CHD1: variants seen among roughly 807,000 people sequenced by gnomAD.
CHD1 encodes the protein ATP-dependent chromatin remodeler CHD1.
A neutral mutation model predicts 224.2 loss-of-function variants in CHD1; 36 were observed. The observed-to-expected ratio is 0.16, with a 90% CI of 0.12 to 0.21. The LOEUF is 0.21. CHD1 is among the 10% of genes least tolerant of loss of function. The pLI, the probability that CHD1 is intolerant of heterozygous loss-of-function variation, is 1.00. For missense variants in CHD1, 1,378 were observed against 1,994.8 expected (o/e 0.69, Z 5.89); for synonymous variants, 668 against 658.3 (o/e 1.01, Z -0.23).
intron 31 of CHD1, among the ~76,000 whole-genome samples, chr5:98,867,989 TAG>T (rs1749027178): frequency 6.6e-6 from 1 of 151,600 alleles, no homozygotes; most frequent in Admixed American, 6.6e-5. Flanking sequence ...TTTTTCTTAG[TAG>T]AGTGTCACCA....
chr5:98,876,330 G>C (rs1749752456), intron 24 of CHD1, 68 bp downstream of exon 24: 1 of 1,465,402 alleles, frequency 6.8e-7, no homozygotes, highest in African/African-American at 1.4e-5. Context: ...GAAAATTACG[G>C]CGTTTTTACA....
In CHD1 at chr5:98,899,521, T is replaced by C. The variant is rs566916062; in HGVS notation, c.1044A>G (p.Lys348=). The C allele has an allele frequency of 1.9e-6, 3 of 1,613,408 alleles. No homozygotes were observed. The highest frequency in any genetic ancestry group is 2.2e-5 in the South Asian group (2 of 91,006). ...GATCTTTTTTCTTATAATTATCCAA[T>C]TTTTTCATTCCTCTAACATTCTGCT... ...LKQQNVRGMK[K]LDNYKKKDQE... The change falls in exon 8 of 36, where the codon AAA becomes AAG. Residue 348 remains lysine (K), a synonymous_variant. Coordinates refer to ENST00000614616, the MANE Select transcript of CHD1 (RefSeq NM_001270.4).
intron 12 of CHD1, 148 bp downstream of exon 12, chr5:98,896,078 T>C (rs1751327140): frequency 3.1e-6 from 2 of 636,160 alleles, no homozygotes; most frequent in South Asian, 2.0e-5. Flanking sequence ...GGTGGCGTGC[T>C]CCTGTGGTCC....
intron 23 of CHD1, among the ~76,000 whole-genome samples, chr5:98,876,761 T>C (rs139930250): frequency 8.5e-5 from 13 of 152,286 alleles, no homozygotes; most frequent in South Asian, 2.1e-4. Flanking sequence ...AGACATTATA[T>C]CAAAAGCCTC....
chr5:98,917,299 C>CAAAAAAAAACAAAA (rs1752795895), intron 2 of CHD1, among the ~76,000 whole-genome samples: 1 of 119,852 alleles, frequency 8.3e-6, no homozygotes, highest in South Asian at 2.9e-4. Context: ...AACAAAGAAA[C>CAAAAAAAAACAAAA]AAAAAAAAAA....
At chr5:98,859,173 C>A (rs1748278178) in intron 33 of CHD1, among the ~76,000 whole-genome samples, 158 bp from the exon 34 acceptor site, 1 of 152,030 alleles carries the variant, frequency 6.6e-6, no homozygotes, top group African/African-American at 2.4e-5. Context: ...TATAGATCTC[C>A]ATTTTTAAAG....
At chr5:98,870,318 C>G (rs325208) in intron 29 of CHD1, among the ~76,000 whole-genome samples, 20,825 of 151,944 alleles carry the variant, frequency 0.14, 1,802 homozygotes, top group Middle Eastern at 0.27. Context: ...TTTCAGTAAG[C>G]TTGGCAACCT....
At position 98,905,797 on chromosome 5, in the gene CHD1, A is replaced by C. The variant is rs162339; in HGVS notation, c.54-699T>G. Reference sequence around the variant, plus strand: ...TAAAAAAGCAATTGACATTTCATAAACTATCCTTTTTTCCATTTCTAATTT... The same window carrying C: ...TAAAAAAGCAATTGACATTTCATAACCTATCCTTTTTTCCATTTCTAATTT... On this transcript the variant is annotated intron_variant, in intron 2 of 35. Transcript: ENST00000614616. Among the ~76,000 whole-genome samples, 421 of 152,292 alleles carry C rather than the reference A, an allele frequency of 2.8e-3. 2 individuals are homozygous for C. The highest frequency in any genetic ancestry group is 9.5e-3 in the African/African-American group (393 of 41,576).
intron 31 of CHD1, among the ~76,000 whole-genome samples, chr5:98,864,016 T>C (rs1407898674): frequency 6.6e-6 from 1 of 152,202 alleles, no homozygotes; most frequent in Admixed American, 6.5e-5. Context: ...GCTAGATATA[T>C]AAACTGTATT....
At chr5:98,926,820 T>C (rs1753489567) in intron 1 of CHD1, among the ~76,000 whole-genome samples, 1 of 150,794 alleles carries the variant, frequency 6.6e-6, no homozygotes, top group Admixed American at 6.7e-5. Flanking sequence ...ACAATGTTTT[T>C]ATAGACTCCT....
rs1194956627 is a variant in CHD1 at position 98,879,731 on chromosome 5, G to C, written c.3061-3C>G. On this transcript the variant is annotated splice_region_variant and splice_polypyrimidine_tract_variant and intron_variant, in intron 22 of 35. Coordinates refer to ENST00000614616, the MANE Select transcript of CHD1 (RefSeq NM_001270.4). Reference sequence around the variant, plus strand: ...TCCATATTTGAGAAGTTGGCAACCTGATAAATTTCAGAATTTTAAGAGTAA... The same window carrying C: ...TCCATATTTGAGAAGTTGGCAACCTCATAAATTTCAGAATTTTAAGAGTAA... 2 of 1,570,234 alleles carry C rather than the reference G, an allele frequency of 1.3e-6. No homozygotes were observed. The highest frequency in any genetic ancestry group is 2.0e-5 in the Admixed American group (1 of 50,224).
At chr5:98,885,717 T>C (rs1368136681) in intron 17 of CHD1, 68 bp from the exon 18 acceptor site, 3 of 939,588 alleles carry the variant, frequency 3.2e-6, no homozygotes, top group African/African-American at 3.4e-5. Flanking sequence ...TAAAATCAAT[T>C]ATAAAATTAA....
chr5:98,889,063 T>C lies in CHD1; in HGVS notation c.2343+13A>G. The C allele has an allele frequency of 2.6e-6, 4 of 1,527,806 alleles. No homozygotes were observed. In the South Asian group the frequency reaches 4.7e-5, roughly 18 times the overall value. 94.6% of individuals were successfully genotyped at this position (1,527,806 alleles called of 1,614,324 possible). ...AACTTTATCACAAAGAAACAACATT[T>C]AAAAATTCTTACTTGTAAGGCCTCC... On this transcript the variant is annotated intron_variant, in intron 16 of 35. Coordinates refer to ENST00000614616, the MANE Select transcript of CHD1 (RefSeq NM_001270.4).
At chr5:98,871,939 G>T in intron 28 of CHD1, 112 bp downstream of exon 28, 1 of 901,728 alleles carries the variant, frequency 1.1e-6, no homozygotes, top group Non-Finnish European at 1.7e-6. Context: ...CACACAACCA[G>T]CTAGTGCCTT....
intron 10 of CHD1, 134 bp downstream of exon 10, chr5:98,898,122 G>A (rs1751462675): frequency 2.4e-6 from 1 of 424,842 alleles, no homozygotes; most frequent in African/African-American, 2.0e-5. Flanking sequence ...TTCACTTCCT[G>A]TAAGACCTAT....
intron 2 of CHD1, among the ~76,000 whole-genome samples, chr5:98,911,146 AAT>A (rs1158932549): frequency 0.11 from 4,122 of 38,884 alleles, 259 homozygotes; most frequent in East Asian, 0.19. Context: ...AAAAAAAAAA[AAT>A]ATATATATAT....
intron 5 of CHD1, 55 bp from the exon 6 acceptor site, chr5:98,901,390 C>T (rs1047990449): frequency 1.3e-5 from 18 of 1,412,202 alleles, no homozygotes; most frequent in Non-Finnish European, 1.6e-5. Flanking sequence ...CAAGTTTTAT[C>T]CCTAATACAA....
intron 13 of CHD1, among the ~76,000 whole-genome samples, 175 bp from the exon 14 acceptor site, chr5:98,893,781 ATTCC>A (rs1412733586): frequency 2.6e-5 from 4 of 152,160 alleles, no homozygotes; most frequent in Non-Finnish European, 4.4e-5. Context: ...CTCAGCACAT[ATTCC>A]TTCTATGACA....
At chr5:98,898,071 T>C (rs1213920319) in intron 10 of CHD1, among the ~76,000 whole-genome samples, 185 bp downstream of exon 10, 2 of 151,972 alleles carry the variant, frequency 1.3e-5, no homozygotes, top group Non-Finnish European at 2.9e-5. Context: ...AAATAAAAAA[T>C]TATAAAACTA....
Sources: gnomAD v4.1 joint callset for allele counts (sites outside exome capture counted in the v4.1 genomes callset) on GRCh38, gnomAD v4.1.1 for gene constraint, MANE v1.5 for transcripts, NCBI Gene and HGNC (gene_info 2026-07-23, HGNC 2026-07-21) for gene names.